The following ENTREP2 variants were observed in gnomAD, a reference collection of about 807,000 sequenced individuals.
The protein encoded by ENTREP2 is endosomal transmembrane epsin interactor 2, also known as protein ENTREP2.
At chr15:29,322,740 C>T in the ENTREP2 span, among the ~76,000 whole-genome samples, 1 of 152,336 alleles carries the variant, frequency 6.6e-6, no homozygotes, top group South Asian at 2.1e-4. Flanking sequence ...TCACGTGCAA[C>T]ACGTGGATTC....
the ENTREP2 span, among the ~76,000 whole-genome samples, chr15:29,489,631 A>T: frequency 1.8e-4 from 27 of 152,348 alleles, no homozygotes; most frequent in South Asian, 2.9e-3. Context: ...GAACATATGT[A>T]TTTTACGCAC....
At chr15:29,644,644 A>G in the ENTREP2 span, among the ~76,000 whole-genome samples, 1 of 151,962 alleles carries the variant, frequency 6.6e-6, no homozygotes, top group African/African-American at 2.4e-5. Context: ...CTCTACTAAC[A>G]TACAAAAAAT....
the ENTREP2 span, chr15:29,376,197 T>C: frequency 6.6e-6 from 1 of 152,188 alleles, no homozygotes; most frequent in East Asian, 1.9e-4. Context: ...GTATTAGTTA[T>C]TATGAATAAT....
chr15:29,374,477 T>G, the ENTREP2 span: 3 of 152,184 alleles, frequency 2.0e-5, no homozygotes, highest in East Asian at 1.9e-4. Flanking sequence ...AATCTTACAT[T>G]GTATAGTTCC....
the ENTREP2 span, among the ~76,000 whole-genome samples, chr15:29,277,382 G>T: frequency 1.5e-4 from 23 of 151,832 alleles, no homozygotes; most frequent in East Asian, 7.7e-4. Flanking sequence ...TAATCAATCT[G>T]GTGATTTACC....
chr15:29,317,822 G>A, the ENTREP2 span, among the ~76,000 whole-genome samples: 1 of 152,196 alleles, frequency 6.6e-6, no homozygotes, highest in Admixed American at 6.6e-5. Flanking sequence ...CGACCCGGGT[G>A]GGATGAAGAG....
the ENTREP2 span, among the ~76,000 whole-genome samples, chr15:29,134,676 G>C: frequency 1.3e-5 from 2 of 152,206 alleles, no homozygotes; most frequent in Non-Finnish European, 2.9e-5. Flanking sequence ...AGTCCTTGTG[G>C]GTGTGATTGT....
chr15:29,124,462 T>C, the ENTREP2 span, among the ~76,000 whole-genome samples: 1 of 152,128 alleles, frequency 6.6e-6, no homozygotes, highest in Non-Finnish European at 1.5e-5. Context: ...TCTCATAAAG[T>C]GGGCTGAGCA....
At chr15:29,314,223 A>AAAG in the ENTREP2 span, among the ~76,000 whole-genome samples, 1 of 152,256 alleles carries the variant, frequency 6.6e-6, no homozygotes, top group African/African-American at 2.4e-5. Flanking sequence ...CTTAGTTCAT[A>AAAG]AAGCAGCAGC....
At chr15:29,444,366 CG>C in the ENTREP2 span, among the ~76,000 whole-genome samples, 1 of 151,994 alleles carries the variant, frequency 6.6e-6, no homozygotes, top group African/African-American at 2.4e-5. Flanking sequence ...TTGCGGGGTG[CG>C]GGATAAAAAG....
the ENTREP2 span, among the ~76,000 whole-genome samples, chr15:29,153,526 C>T: frequency 6.6e-6 from 1 of 152,190 alleles, no homozygotes; most frequent in African/African-American, 2.4e-5. Flanking sequence ...AATCTACCCT[C>T]ATGACCTAAC....
chr15:29,325,409 A>G, the ENTREP2 span, among the ~76,000 whole-genome samples: 1 of 152,168 alleles, frequency 6.6e-6, no homozygotes, highest in Non-Finnish European at 1.5e-5. Flanking sequence ...CAAATTATTA[A>G]TATCAGAAAT....
At chr15:29,344,012 T>C in the ENTREP2 span, among the ~76,000 whole-genome samples, 1,718 of 152,320 alleles carry the variant, frequency 0.011, 19 homozygotes, top group Non-Finnish European at 0.013. Context: ...TGAACCTATA[T>C]ACCATATTTA....
At chr15:29,412,697 C>G in the ENTREP2 span, among the ~76,000 whole-genome samples, 1 of 151,712 alleles carries the variant, frequency 6.6e-6, no homozygotes, top group Non-Finnish European at 1.5e-5. Flanking sequence ...GTTATTTGTA[C>G]CTTCTTTTTT....
chr15:29,640,880 A>G, the ENTREP2 span, among the ~76,000 whole-genome samples: 1 of 152,224 alleles, frequency 6.6e-6, no homozygotes, highest in African/African-American at 2.4e-5. Flanking sequence ...AAGAAGAGAA[A>G]ACTACAGACC....
chr15:29,658,467 C>T, the ENTREP2 span, among the ~76,000 whole-genome samples: 1 of 152,026 alleles, frequency 6.6e-6, no homozygotes, highest in African/African-American at 2.4e-5. Context: ...AGGTGGTTAT[C>T]AAAAAGCGGA....
chr15:29,166,357 A>G, the ENTREP2 span, among the ~76,000 whole-genome samples: 2 of 152,196 alleles, frequency 1.3e-5, no homozygotes, highest in Admixed American at 6.5e-5. Flanking sequence ...AGGGCATCCA[A>G]GTTGGTAAAA....
the ENTREP2 span, among the ~76,000 whole-genome samples, chr15:29,361,693 G>A: frequency 2.6e-5 from 4 of 152,184 alleles, no homozygotes; most frequent in African/African-American, 9.6e-5. Flanking sequence ...CAATTCTGAC[G>A]ACCACTCTGT....
At chr15:29,465,044 G>C in the ENTREP2 span, among the ~76,000 whole-genome samples, 29 of 152,110 alleles carry the variant, frequency 1.9e-4, no homozygotes, top group African/African-American at 7.0e-4. Flanking sequence ...GGGCTTTAGA[G>C]GAGGAGCAGC....
Sources: allele counts gnomAD v4.1 joint callset (sites outside exome capture counted in the v4.1 genomes callset), GRCh38; gene constraint gnomAD v4.1.1; transcripts MANE v1.5; gene names NCBI Gene and HGNC (gene_info 2026-07-23, HGNC 2026-07-21).